The following CTNNA3 variants were observed in gnomAD, a reference collection of about 807,000 sequenced individuals.
CTNNA3 encodes the protein catenin alpha 3.
In CTNNA3, 76 loss-of-function variants were observed where a neutral mutation model predicts 95.7. The observed-to-expected ratio is 0.79, with a 90% CI of 0.66 to 0.96. CTNNA3 has a LOEUF of 0.96. Ranked by LOEUF, CTNNA3 falls within the 40% of genes least tolerant of loss-of-function variation. CTNNA3 has a pLI of 0.00. For missense variants in CTNNA3, 1,191 were observed against 1,089.8 expected (o/e 1.09, Z -1.31); for synonymous variants, 431 against 374.4 (o/e 1.15, Z -1.74).
intron 15 of CTNNA3, among the ~76,000 whole-genome samples, chr10:65,993,603 T>C (rs1160624350): frequency 6.6e-6 from 1 of 152,214 alleles, no homozygotes; most frequent in Non-Finnish European, 1.5e-5. Flanking sequence ...CCAAATATCT[T>C]TTTCAATCCT....
At chr10:65,993,742 A>G (rs73306094) in intron 15 of CTNNA3, among the ~76,000 whole-genome samples, 1 of 151,758 alleles carries the variant, frequency 6.6e-6, no homozygotes, top group Non-Finnish European at 1.5e-5. Context: ...CTTTCTCTCT[A>G]TATATATTTT....
chr10:66,775,551 C>T, intron 7 of CTNNA3, 27 bp from the exon 8 acceptor site: 1 of 1,471,022 alleles, frequency 6.8e-7, no homozygotes, highest in Non-Finnish European at 9.4e-7. Context: ...ACGACATAAG[C>T]AATGGTATCA....
intron 2 of CTNNA3, among the ~76,000 whole-genome samples, chr10:67,610,897 T>C (rs528452968): frequency 1.3e-5 from 2 of 152,328 alleles, no homozygotes; most frequent in South Asian, 2.1e-4. Context: ...CCCTCTCATA[T>C]AGAAAATCTC....
At chr10:66,063,012 G>GA (rs973603615) in intron 15 of CTNNA3, among the ~76,000 whole-genome samples, 6 of 151,714 alleles carry the variant, frequency 4.0e-5, no homozygotes, top group South Asian at 2.1e-4. Context: ...TACAGAGCAG[G>GA]AAAAAATACT....
At chr10:66,322,120 G>T (rs2092195650) in intron 12 of CTNNA3, among the ~76,000 whole-genome samples, 1 of 152,080 alleles carries the variant, frequency 6.6e-6, no homozygotes, top group Admixed American at 6.5e-5. Flanking sequence ...CTTTTTCTAA[G>T]TTCTGTGGAA....
intron 5 of CTNNA3, among the ~76,000 whole-genome samples, chr10:67,412,206 C>T (rs1845393188): frequency 1.3e-5 from 2 of 152,112 alleles, no homozygotes. Flanking sequence ...TATTACAACA[C>T]TTTTCTGAGA....
At chr10:66,650,563 C>A (rs1845858090) in intron 9 of CTNNA3, among the ~76,000 whole-genome samples, 1 of 152,116 alleles carries the variant, frequency 6.6e-6, no homozygotes, top group African/African-American at 2.4e-5. Context: ...AAGCCGCGGA[C>A]CCTCACGATG....
chr10:66,390,024 C>G (rs1030683356), intron 11 of CTNNA3, among the ~76,000 whole-genome samples: 6 of 152,186 alleles, frequency 3.9e-5, no homozygotes, highest in South Asian at 2.1e-4. Flanking sequence ...GAGTGAGCCC[C>G]TGCACCTGGC....
chr10:67,279,934 T>C (rs1839330730), intron 5 of CTNNA3, among the ~76,000 whole-genome samples: 1 of 150,392 alleles, frequency 6.6e-6, no homozygotes, highest in South Asian at 2.2e-4. Context: ...TAAAAACAGA[T>C]GACATCTATC....
intron 11 of CTNNA3, among the ~76,000 whole-genome samples, chr10:66,473,697 G>C (rs943810144): frequency 6.6e-6 from 1 of 151,960 alleles, no homozygotes; most frequent in African/African-American, 2.4e-5. Context: ...CCTGGTGTGT[G>C]ATGTTCCCCT....
Position 66,021,852 on chromosome 10 carries a change from C to CTTT in CTNNA3, c.2160-33058_2160-33056dup, listed in dbSNP as rs34671813. On this transcript the variant is annotated intron_variant, in intron 15 of 17. Coordinates refer to ENST00000433211, the MANE Select transcript of CTNNA3 (RefSeq NM_013266.4). Reference sequence around the variant, plus strand: ...GGAAATTCCATATACAGGATCTTGGCTTTTTTTTTTTTTTTTAGATAGATA... The same window carrying CTTT: ...GGAAATTCCATATACAGGATCTTGGCTTTTTTTTTTTTTTTTTTTAGATAGATA... Among the ~76,000 whole-genome samples the CTTT allele has an allele frequency of 1.7e-4, 13 of 75,940 alleles. 1 individual carries two copies. The highest frequency in any genetic ancestry group is 3.0e-4 in the African/African-American group (6 of 20,298). The allele number at this position is 75,940 out of a possible 152,430, so 49.8% of individuals were successfully genotyped here.
chr10:66,112,139 A>G (rs1031934869), intron 13 of CTNNA3, among the ~76,000 whole-genome samples: 26 of 152,174 alleles, frequency 1.7e-4, no homozygotes, highest in African/African-American at 5.8e-4. Context: ...TCATCACATC[A>G]ATTCAAAATA....
intron 11 of CTNNA3, among the ~76,000 whole-genome samples, chr10:66,454,502 A>C (rs1174473141): frequency 1.3e-5 from 2 of 152,122 alleles, no homozygotes; most frequent in Non-Finnish European, 2.9e-5. Flanking sequence ...AGAACCAAAC[A>C]CTTTAAAGAC....
chr10:66,757,935 T>C (rs1430099203), intron 9 of CTNNA3, among the ~76,000 whole-genome samples: 2 of 152,154 alleles, frequency 1.3e-5, no homozygotes, highest in African/African-American at 4.8e-5. Flanking sequence ...TCTCCATCAT[T>C]GTGAGCATTG....
intron 9 of CTNNA3, among the ~76,000 whole-genome samples, chr10:66,631,217 A>C (rs1446516690): frequency 8.5e-5 from 13 of 152,180 alleles, no homozygotes; most frequent in African/African-American, 2.9e-4. Context: ...TCATCCATCT[A>C]TAAGATGAGG....
At chr10:66,293,944 C>T (rs969329230) in intron 12 of CTNNA3, among the ~76,000 whole-genome samples, 1 of 151,952 alleles carries the variant, frequency 6.6e-6, no homozygotes, top group African/African-American at 2.4e-5. Context: ...AAATTACAGG[C>T]GTTAGCCACC....
chr10:66,756,891 G>C (rs551487395), intron 9 of CTNNA3, among the ~76,000 whole-genome samples: 2 of 152,150 alleles, frequency 1.3e-5, no homozygotes, highest in South Asian at 4.2e-4. Flanking sequence ...CTTGACCCTA[G>C]AGCAGAAATT....
chr10:67,003,010 G>A (rs372121115), intron 7 of CTNNA3, among the ~76,000 whole-genome samples: 3 of 152,102 alleles, frequency 2.0e-5, no homozygotes, highest in African/African-American at 7.2e-5. Context: ...TTGCTTTCAC[G>A]GTAATTATGA....
chr10:67,149,480 G>A (rs1393940456), intron 7 of CTNNA3, among the ~76,000 whole-genome samples: 1 of 152,168 alleles, frequency 6.6e-6, no homozygotes, highest in Non-Finnish European at 1.5e-5. Flanking sequence ...AGCTTCTCGG[G>A]AGGCTGAGGC....
Sources: gnomAD v4.1 joint callset for allele counts (sites outside exome capture counted in the v4.1 genomes callset) on GRCh38, gnomAD v4.1.1 for gene constraint, MANE v1.5 for transcripts, NCBI Gene and HGNC (gene_info 2026-07-23, HGNC 2026-07-21) for gene names.